CSMD2: variants seen among roughly 807,000 people sequenced by gnomAD.
CSMD2 encodes CUB and sushi domain-containing protein 2.
In CSMD2, 130 loss-of-function variants were observed where a neutral mutation model predicts 398.5. The ratio of observed to expected loss-of-function variants is 0.33; its 90% CI spans 0.28 to 0.38. The LOEUF (loss-of-function observed/expected upper bound fraction) is 0.38. Among genes scored for constraint, CSMD2 ranks in the 10% least tolerant of loss-of-function variants. CSMD2 has a pLI of 1.00. For missense variants in CSMD2, 3,829 were observed against 4,764.9 expected (o/e 0.80, Z 5.78); for synonymous variants, 1,828 against 1,908.5 (o/e 0.96, Z 1.10).
intron 12 of CSMD2, among the ~76,000 whole-genome samples, chr1:33,775,867 T>A (rs1030941186): frequency 4.6e-5 from 7 of 152,190 alleles, no homozygotes. Context: ...ACCAGCAGAA[T>A]GCTAGACTGG....
chr1:33,724,664 G>A lies in CSMD2; in HGVS notation c.2736C>T (p.Ile912=), dbSNP rs1330682508. The change falls in exon 18 of 71, where the codon ATC becomes ATT. Residue 912 remains isoleucine (I), a synonymous_variant. Coordinates refer to ENST00000373381, the MANE Select transcript of CSMD2 (RefSeq NM_001281956.2). ...TCCCATGACGCTGTCCATTTACTGG[G>A]ATTCCTGGATCCAGACAGTGGTCTG... ...LQSDHCLDPG[I]PVNGQRHGND... The A allele has an allele frequency of 1.2e-6, 2 of 1,614,080 alleles. No individual in the cohort carries two copies.
chr1:33,984,839 G>C (rs1325259), intron 3 of CSMD2, among the ~76,000 whole-genome samples: 34,062 of 134,024 alleles, frequency 0.25, 4,698 homozygotes, highest in Non-Finnish European at 0.32. Context: ...AGGGAAGGAG[G>C]AAGGAAGGAA....
chr1:34,162,400 G>C (rs1236785370), intron 1 of CSMD2, among the ~76,000 whole-genome samples: 1 of 152,126 alleles, frequency 6.6e-6, no homozygotes, highest in Non-Finnish European at 1.5e-5. Context: ...AGACGGTTCA[G>C]TCCTGAGCAT....
intron 4 of CSMD2, among the ~76,000 whole-genome samples, chr1:33,921,001 C>T (rs746099544): frequency 3.3e-5 from 5 of 152,128 alleles, no homozygotes; most frequent in Admixed American, 1.3e-4. Flanking sequence ...GGGAGTGTGG[C>T]ATGTTTAGGG....
At chr1:34,100,235 T>C (rs1240500544) in intron 1 of CSMD2, among the ~76,000 whole-genome samples, 2 of 152,148 alleles carry the variant, frequency 1.3e-5, no homozygotes, top group Non-Finnish European at 2.9e-5. Context: ...ACATACGCAA[T>C]GCAAGTATAA....
intron 1 of CSMD2, among the ~76,000 whole-genome samples, chr1:34,147,362 T>C (rs565178999): frequency 3.6e-4 from 54 of 150,000 alleles, no homozygotes; most frequent in African/African-American, 1.3e-3. Context: ...TGGGAAGGAG[T>C]GATGGGCAGT....
rs79967873 is a variant in CSMD2, at chr1:33,863,995, T to A, written c.921-16999A>T. 7.0e-6 allele frequency: 4 copies of A among 573,188 alleles called. No homozygotes were observed. The East Asian group carries it at 1.2e-4, about 17-fold the overall frequency. 35.5% of individuals were successfully genotyped at this position (573,188 alleles called of 1,614,324 possible). ...CAGGTGTTGGCTGGGATTGGCTGGCTTGTGGATGATGTCACAGTTTCCCTC... is the reference window on the plus strand; with the variant it reads ...CAGGTGTTGGCTGGGATTGGCTGGCATGTGGATGATGTCACAGTTTCCCTC... On this transcript the variant is annotated intron_variant, in intron 5 of 70. Coordinates refer to ENST00000373381, the MANE Select transcript of CSMD2 (RefSeq NM_001281956.2).
At chr1:34,090,947 G>C (rs1484145195) in intron 1 of CSMD2, among the ~76,000 whole-genome samples, 2 of 152,098 alleles carry the variant, frequency 1.3e-5, no homozygotes, top group African/African-American at 4.8e-5. Context: ...TCTGTCCTTT[G>C]TATCTGCCAC....
intron 2 of CSMD2, among the ~76,000 whole-genome samples, chr1:34,038,526 G>A (rs1029043465): frequency 6.6e-6 from 1 of 152,090 alleles, no homozygotes; most frequent in African/African-American, 2.4e-5. Flanking sequence ...CCAGAGTCTT[G>A]AAAATGGGAC....
chr1:33,964,367 C>T (rs1286048605), intron 3 of CSMD2, among the ~76,000 whole-genome samples: 1 of 152,206 alleles, frequency 6.6e-6, no homozygotes, highest in Non-Finnish European at 1.5e-5. Flanking sequence ...ACATGATCAG[C>T]ATCTCATCCA....
chr1:33,601,377 A>G (rs939774155), intron 43 of CSMD2, among the ~76,000 whole-genome samples: 2 of 152,148 alleles, frequency 1.3e-5, no homozygotes, highest in African/African-American at 4.8e-5. Flanking sequence ...GCTGCTATGC[A>G]TATCGGCTCC....
intron 1 of CSMD2, among the ~76,000 whole-genome samples, chr1:34,141,446 G>T (rs537654994): frequency 6.6e-6 from 1 of 152,272 alleles, no homozygotes; most frequent in Admixed American, 6.5e-5. Flanking sequence ...CGAAGGAAGG[G>T]ATTACTGTGG....
Position 33,541,129 on chromosome 1 carries a change from C to A in CSMD2, c.9457+1G>T, listed in dbSNP as rs1344777276. On this transcript the variant is annotated splice_donor_variant, in intron 59 of 70. Coordinates refer to ENST00000373381, the MANE Select transcript of CSMD2 (RefSeq NM_001281956.2). LOFTEE classifies it high-confidence loss of function. ...GTCCACATTTGCAGCCCCAGACACA[C>A]CTTTGCAGACGGGCTTGGTTCCATT... 3 of 1,613,828 alleles carry A rather than the reference C, an allele frequency of 1.9e-6. No homozygotes were observed. Among genetic ancestry groups the A allele is most frequent in the Non-Finnish European group, 2.5e-6 (3 of 1,179,878 alleles).
chr1:33,779,198 C>T (rs1320804366), intron 12 of CSMD2, among the ~76,000 whole-genome samples: 3 of 152,150 alleles, frequency 2.0e-5, no homozygotes, highest in Non-Finnish European at 4.4e-5. Context: ...GCCTACCCCT[C>T]CCACCCCAGC....
At chr1:33,940,383 T>C (rs1348765049) in intron 3 of CSMD2, among the ~76,000 whole-genome samples, 1 of 152,118 alleles carries the variant, frequency 6.6e-6, no homozygotes, top group African/African-American at 2.4e-5. Flanking sequence ...GGAGACACAA[T>C]TCAACTCATC....
At chr1:33,745,829 T>C (rs1647304891) in intron 13 of CSMD2, among the ~76,000 whole-genome samples, 1 of 152,182 alleles carries the variant, frequency 6.6e-6, no homozygotes, top group Admixed American at 6.5e-5. Context: ...TTATTATATA[T>C]TATTGAGGGT....
chr1:33,564,349 C>CA (rs1357550352), intron 53 of CSMD2, among the ~76,000 whole-genome samples: 45 of 152,196 alleles, frequency 3.0e-4, no homozygotes, highest in Non-Finnish European at 5.9e-5. Flanking sequence ...CTAACTACTT[C>CA]ACTCACTGCC....
chr1:33,748,353 G>T (rs1647681845), intron 13 of CSMD2, among the ~76,000 whole-genome samples: 1 of 152,164 alleles, frequency 6.6e-6, no homozygotes, highest in South Asian at 2.1e-4. Flanking sequence ...AAAAGAAGGA[G>T]ATCAGGCACC....
At position 33,731,638 on chromosome 1, in the gene CSMD2, A is replaced by G. The variant is rs2149222764; in HGVS notation, c.2369-4953T>C. Among the ~76,000 whole-genome samples, 3 of 152,294 alleles carry G rather than the reference A, an allele frequency of 2.0e-5. No individual in the cohort carries two copies. In the South Asian group the frequency reaches 6.2e-4, roughly 32 times the overall value. On this transcript the variant is annotated intron_variant, in intron 15 of 70. Coordinates refer to ENST00000373381, the MANE Select transcript of CSMD2 (RefSeq NM_001281956.2). ...ACCCGACTTCTGCAACAACAAAAAA[A>G]TCTCAAGGGGGTGGGGAGTAGACAC...
Sources: allele counts gnomAD v4.1 joint callset (sites outside exome capture counted in the v4.1 genomes callset), GRCh38; gene constraint gnomAD v4.1.1; transcripts MANE v1.5; gene names NCBI Gene and HGNC (gene_info 2026-07-23, HGNC 2026-07-21).